TPP2: variants seen among roughly 807,000 people sequenced by gnomAD.
TPP2 encodes tripeptidyl-peptidase 2.
In TPP2, 34 loss-of-function variants were observed where a neutral mutation model predicts 155.9. The observed-to-expected ratio is 0.22, with a 90% CI of 0.17 to 0.29. The LOEUF (loss-of-function observed/expected upper bound fraction) is 0.29. TPP2 is among the 10% of genes least tolerant of loss of function. The pLI, the probability that TPP2 is intolerant of heterozygous loss-of-function variation, is 1.00. For missense variants in TPP2, 1,028 were observed against 1,522.3 expected (o/e 0.68, Z 5.40); for synonymous variants, 510 against 529.4 (o/e 0.96, Z 0.50).
At chr13:102,624,959 A>G (rs977343628) in intron 6 of TPP2, among the ~76,000 whole-genome samples, 10 of 140,598 alleles carry the variant, frequency 7.1e-5, no homozygotes, top group Non-Finnish European at 1.5e-4. Flanking sequence ...TCCCAGGTTC[A>G]AGTGATTCTC....
intron 25 of TPP2, among the ~76,000 whole-genome samples, chr13:102,659,947 C>T (rs920975567): frequency 1.3e-5 from 2 of 151,236 alleles, no homozygotes; most frequent in South Asian, 2.1e-4. Flanking sequence ...CACAAAGGAG[C>T]AAAACTGTAT....
At chr13:102,667,702 C>G in intron 27 of TPP2, 1 of 955,990 alleles carries the variant, frequency 1.0e-6, no homozygotes, top group Non-Finnish European at 1.2e-6. Context: ...AGAAAGGGAT[C>G]TTACAGCTAA....
intron 26 of TPP2, 66 bp from the exon 27 acceptor site, chr13:102,664,729 A>C: frequency 6.6e-7 from 1 of 1,506,072 alleles, no homozygotes; most frequent in South Asian, 1.2e-5. Context: ...GAGACAGCAG[A>C]AGTGAAATTG....
chr13:102,631,045 TAGGATGTTG>T (rs1267800674), intron 10 of TPP2, among the ~76,000 whole-genome samples: 1 of 152,126 alleles, frequency 6.6e-6, no homozygotes, highest in Non-Finnish European at 1.5e-5. Context: ...AAAGGATGGA[TAGGATGTTG>T]AGAGACAGAA....
intron 27 of TPP2, among the ~76,000 whole-genome samples, chr13:102,666,171 C>T (rs917232422): frequency 6.6e-6 from 1 of 152,164 alleles, no homozygotes; most frequent in African/African-American, 2.4e-5. Context: ...TTGTATCCCC[C>T]TTTTAAGGAA....
chr13:102,618,672 T>G (rs371849297), intron 4 of TPP2, 50 bp from the exon 5 acceptor site: 1 of 1,594,940 alleles, frequency 6.3e-7, no homozygotes, highest in African/African-American at 1.3e-5. Flanking sequence ...TTAATACAAC[T>G]TTTAGAAGGA....
At position 102,622,865 on chromosome 13, in the gene TPP2, T is replaced by C; in HGVS notation, c.621-12T>C. Reference sequence around the variant, plus strand: ...ATAAATTTTACTGTCTCCATTTCTTTTTAATTAATAGAGCCTGCATTGATT... The same window carrying C: ...ATAAATTTTACTGTCTCCATTTCTTCTTAATTAATAGAGCCTGCATTGATT... On this transcript the variant is annotated splice_polypyrimidine_tract_variant and intron_variant, in intron 5 of 29. Coordinates refer to ENST00000376052, the MANE Select transcript of TPP2 (RefSeq NM_001330588.2). The C allele has an allele frequency of 6.3e-7, 1 of 1,589,280 alleles. No individual in the cohort carries two copies. Among genetic ancestry groups the C allele is most frequent in the Non-Finnish European group, 8.5e-7 (1 of 1,173,172 alleles).
At chr13:102,649,256 T>G (rs1341020507) in intron 22 of TPP2, 105 bp downstream of exon 22, 8 of 1,457,752 alleles carry the variant, frequency 5.5e-6, no homozygotes, top group Non-Finnish European at 7.3e-6. Flanking sequence ...TAGTCATTTT[T>G]TTTTTGGCTG....
Position 102,647,263 on chromosome 13 carries a change from A to G in TPP2, c.2547A>G (p.Glu849=). The change falls in exon 21 of 30, where the codon GAA becomes GAG. Residue 849 remains glutamate, a synonymous_variant. Coordinates refer to ENST00000376052, the MANE Select transcript of TPP2 (RefSeq NM_001330588.2). ...SCPLLCELLY[E]SEFDSQLWII... ...CACTACTTTGTGAACTATTATATGAATCTGAATTTGACAGCCAACTGTGGA... is the reference window on the plus strand; with the variant it reads ...CACTACTTTGTGAACTATTATATGAGTCTGAATTTGACAGCCAACTGTGGA... 1 of 1,613,842 alleles carries G rather than the reference A, an allele frequency of 6.2e-7. No homozygotes were observed. Among genetic ancestry groups the G allele is most frequent in the Non-Finnish European group, 8.5e-7 (1 of 1,179,922 alleles).
chr13:102,657,207 A>G lies in TPP2; in HGVS notation c.3143A>G (p.Lys1048Arg). 6.4e-7 allele frequency: 1 copy of G among 1,567,328 alleles called. No individual in the cohort carries two copies. Among genetic ancestry groups the G allele is most frequent in the East Asian group, 2.3e-5 (1 of 43,976 alleles). The change falls in exon 25 of 30, where the codon AAG becomes AGG. Residue 1048 changes from lysine (K) to arginine (R), a missense_variant and splice_region_variant. Transcript: ENST00000376052. ...GATCTTAAAATTCAGTGGATGACAA[A>G]GTAGGTTTTTAAATGTATTTTAATT... ...LRDLKIQWMT[K>R]LDSSDIYNEL...
intron 5 of TPP2, among the ~76,000 whole-genome samples, chr13:102,622,053 A>C (rs1287806423): frequency 6.6e-6 from 1 of 152,212 alleles, no homozygotes; most frequent in Non-Finnish European, 1.5e-5. Flanking sequence ...AATTTTTAAG[A>C]ATCCTTTTTT....
intron 2 of TPP2, among the ~76,000 whole-genome samples, chr13:102,608,727 TCTC>T (rs1221718833): frequency 6.6e-6 from 1 of 152,108 alleles, no homozygotes; most frequent in Non-Finnish European, 1.5e-5. Flanking sequence ...TTCCTCCTGT[TCTC>T]CTTTCTTAGT....
intron 2 of TPP2, among the ~76,000 whole-genome samples, chr13:102,606,756 G>T (rs1879863352): frequency 6.6e-6 from 1 of 152,166 alleles, no homozygotes; most frequent in African/African-American, 2.4e-5. Flanking sequence ...CCTTCACTTA[G>T]GGGAGGGACG....
intron 22 of TPP2, 42 bp downstream of exon 22, chr13:102,649,193 A>T (rs201104163): frequency 7.2e-6 from 11 of 1,538,396 alleles, no homozygotes; most frequent in Non-Finnish European, 9.6e-6. Flanking sequence ...CATCGTATAC[A>T]CTGTAGTCCT....
At chr13:102,669,594 T>A (rs1244813361) in intron 27 of TPP2, among the ~76,000 whole-genome samples, 1 of 152,230 alleles carries the variant, frequency 6.6e-6, no homozygotes, top group South Asian at 2.1e-4. Context: ...CATAACTGAT[T>A]AGGTTCTAGT....
At chr13:102,620,813 T>C (rs1349802031) in intron 5 of TPP2, among the ~76,000 whole-genome samples, 2 of 152,224 alleles carry the variant, frequency 1.3e-5, no homozygotes, top group Non-Finnish European at 2.9e-5. Flanking sequence ...TACAGAGGAT[T>C]ACATAAAGGA....
intron 11 of TPP2, among the ~76,000 whole-genome samples, chr13:102,635,339 A>G (rs1467301998): frequency 6.6e-6 from 1 of 152,200 alleles, no homozygotes; most frequent in Non-Finnish European, 1.5e-5. Context: ...TACGCCACAA[A>G]GCCCACACCA....
At chr13:102,670,485 A>G (rs1884900840) in intron 27 of TPP2, among the ~76,000 whole-genome samples, 1 of 152,220 alleles carries the variant, frequency 6.6e-6, no homozygotes, top group Admixed American at 6.5e-5. Context: ...CATTTTAGGA[A>G]GCATAGCCCT....
chr13:102,652,965 A>G (rs906396863), intron 24 of TPP2, among the ~76,000 whole-genome samples: 12 of 152,166 alleles, frequency 7.9e-5, no homozygotes, highest in African/African-American at 2.7e-4. Flanking sequence ...AATAGAAGGC[A>G]CTTATCACGA....
Sources: allele counts gnomAD v4.1 joint callset (sites outside exome capture counted in the v4.1 genomes callset), GRCh38; gene constraint gnomAD v4.1.1; transcripts MANE v1.5; gene names NCBI Gene and HGNC (gene_info 2026-07-23, HGNC 2026-07-21).